The following ABCC1 variants were observed in gnomAD, a reference collection of about 807,000 sequenced individuals.
ABCC1 encodes the protein multidrug resistance-associated protein 1.
A neutral mutation model predicts 172.9 loss-of-function variants in ABCC1; 83 were observed. The ratio of observed to expected loss-of-function variants is 0.48; its 90% CI spans 0.40 to 0.58. ABCC1 has a LOEUF of 0.58. Among genes scored for constraint, ABCC1 ranks in the 20% least tolerant of loss-of-function variants. The pLI is 0.00. For missense variants in ABCC1, 1,817 were observed against 2,002.7 expected, an observed-to-expected ratio of 0.91 and a Z score of 1.77; for synonymous variants, 937 against 825.2, an observed-to-expected ratio of 1.14 and a Z score of -2.32.
rs780409689 is a variant in ABCC1, at chr16:16,124,864, G to C, written c.3666G>C (p.Arg1222Ser). The C allele has an allele frequency of 3.1e-6, 5 of 1,614,188 alleles. No homozygotes were observed. Among genetic ancestry groups the C allele is most frequent in the Non-Finnish European group, 4.2e-6 (5 of 1,180,026 alleles). ...LFAALFAVIS[R>S]HSLSAGLVGL... is the part of the protein sequence containing the mutation. ...CTGCCCTGTTTGCGGTGATCTCCAG[G>C]CACAGCCTCAGTGCTGGCTTGGTGG... Residue 1222 changes from arginine (R) to serine (S), a missense_variant, in exon 25 of 31, where the codon AGG becomes AGC. By Grantham distance (110) the Arg-to-Ser change is moderately radical. Transcript: ENST00000399410.
In ABCC1 at chr16:16,048,252, G is replaced by C. The variant is rs2049296573; in HGVS notation, c.1329G>C (p.Met443Ile). The change falls in exon 10 of 31, where the codon ATG becomes ATC. Residue 443 changes from methionine (M) to isoleucine (I), a missense_variant. Physicochemically the swap from Met to Ile is conservative, Grantham distance 10 (BLOSUM62 1). Coordinates refer to ENST00000399410, the MANE Select transcript of ABCC1 (RefSeq NM_004996.4). ...TGGACTTGGCCACGTACATTAACAT[G>C]ATCTGGTCAGCCCCCCTGCAAGTCA... is the stretch of plus-strand genomic sequence containing the variant. ...RFMDLATYINMIWSAPLQVIL... is the reference protein window; with the variant it reads ...RFMDLATYINIIWSAPLQVIL... 1 of 1,614,192 alleles carries C rather than the reference G, an allele frequency of 6.2e-7. No homozygotes were observed.
intron 27 of ABCC1, 92 bp from the exon 28 acceptor site, chr16:16,134,258 G>A: frequency 6.6e-6 from 10 of 1,511,918 alleles, no homozygotes; most frequent in Non-Finnish European, 9.0e-6. Flanking sequence ...GATGACTGAT[G>A]CCTGAGGTGG....
intron 1 of ABCC1, among the ~76,000 whole-genome samples, chr16:15,983,325 A>G (rs1015231699): frequency 2.0e-5 from 3 of 152,138 alleles, no homozygotes; most frequent in Admixed American, 1.3e-4. Flanking sequence ...CACAAGCTGC[A>G]GTTGTGGGGA....
chr16:16,105,651 T>G (rs1383862264), intron 20 of ABCC1, among the ~76,000 whole-genome samples: 1 of 152,014 alleles, frequency 6.6e-6, no homozygotes, highest in African/African-American at 2.4e-5. Context: ...GTATAGAAAT[T>G]TCCACGGCAG....
chr16:15,974,808 A>G (rs570293140), intron 1 of ABCC1, among the ~76,000 whole-genome samples: 4 of 152,318 alleles, frequency 2.6e-5, no homozygotes, highest in South Asian at 2.1e-4. Context: ...TTTTTATGAT[A>G]CAGAGTCTCA....
intron 7 of ABCC1, among the ~76,000 whole-genome samples, chr16:16,040,005 A>G (rs935743496): frequency 6.6e-6 from 1 of 152,092 alleles, no homozygotes; most frequent in Non-Finnish European, 1.5e-5. Flanking sequence ...GTGAGAACAC[A>G]GGCGCAGGTT....
intron 13 of ABCC1, among the ~76,000 whole-genome samples, chr16:16,071,207 C>T (rs1046152232): frequency 6.6e-6 from 1 of 152,094 alleles, no homozygotes; most frequent in African/African-American, 2.4e-5. Flanking sequence ...GCCTCAGCCT[C>T]CCGAGTAGCT....
At chr16:16,008,027 GA>G in intron 2 of ABCC1, 35 bp downstream of exon 2, 1 of 1,421,540 alleles carries the variant, frequency 7.0e-7, no homozygotes, top group Middle Eastern at 1.8e-4. Context: ...TGGGGGGTGG[GA>G]AGGTGCACCT....
intron 1 of ABCC1, among the ~76,000 whole-genome samples, chr16:15,980,480 A>G (rs2046597192): frequency 6.6e-6 from 1 of 152,160 alleles, no homozygotes. Flanking sequence ...GGAAGCAAAC[A>G]TGTCCTCCTT....
At chr16:16,100,397 T>TG (rs1397012053) in intron 19 of ABCC1, among the ~76,000 whole-genome samples, 4 of 152,072 alleles carry the variant, frequency 2.6e-5, no homozygotes, top group East Asian at 1.9e-4. Context: ...AGCCTCCAGA[T>TG]GGGGGTCCCT....
rs550843361 is a variant in ABCC1, at chr16:15,965,331, G to A, written c.48+15532G>A. 2.3e-3 allele frequency among the ~76,000 whole-genome samples: 341 copies of A among 149,900 alleles called. 2 individuals carry two copies. Among genetic ancestry groups the A allele is most frequent in the Non-Finnish European group, 3.6e-3 (245 of 67,612 alleles). ...TTTTGAGACGGAGTCTTGTTCTGTC[G>A]CCCAGGCTGAAGTGCAGTGGTGCGA... On this transcript the variant is annotated intron_variant, in intron 1 of 30. Coordinates refer to ENST00000399410, the MANE Select transcript of ABCC1 (RefSeq NM_004996.4).
At chr16:16,101,694 T>C (rs919414823) in intron 19 of ABCC1, among the ~76,000 whole-genome samples, 6 of 152,012 alleles carry the variant, frequency 3.9e-5, no homozygotes, top group Non-Finnish European at 8.8e-5. Flanking sequence ...CAGTGCGGAG[T>C]GGGGGCAGTA....
chr16:16,115,131 G>C (rs756240982), intron 23 of ABCC1, 55 bp downstream of exon 23: 34 of 1,545,954 alleles, frequency 2.2e-5, no homozygotes, highest in Admixed American at 5.3e-5. Flanking sequence ...TTATATACCA[G>C]TGTTACCTAA....
chr16:15,993,793 C>T (rs1320653916), intron 1 of ABCC1, among the ~76,000 whole-genome samples: 1 of 152,154 alleles, frequency 6.6e-6, no homozygotes, highest in African/African-American at 2.4e-5. Context: ...GTTTCCATGT[C>T]TGAGTCAAAA....
At chr16:16,079,710 C>T (rs2151983155) in intron 16 of ABCC1, among the ~76,000 whole-genome samples, 1 of 152,196 alleles carries the variant, frequency 6.6e-6, no homozygotes, top group South Asian at 2.1e-4. Context: ...CATCTGTCTC[C>T]CAGCACTTAA....
At chr16:16,060,319 C>T (rs969459525) in intron 12 of ABCC1, among the ~76,000 whole-genome samples, 1 of 152,148 alleles carries the variant, frequency 6.6e-6, no homozygotes, top group Non-Finnish European at 1.5e-5. Flanking sequence ...GGTTCTTTCC[C>T]ACTGAGTTAT....
intron 12 of ABCC1, among the ~76,000 whole-genome samples, chr16:16,060,193 C>T (rs760554438): frequency 3.3e-5 from 5 of 149,794 alleles, no homozygotes; most frequent in Admixed American, 3.3e-4. Flanking sequence ...CATCTCACCT[C>T]GCTGGCTCTA....
intron 4 of ABCC1, among the ~76,000 whole-genome samples, chr16:16,016,148 G>GGT (rs1567316057): frequency 1.1e-5 from 1 of 90,538 alleles, no homozygotes; most frequent in Non-Finnish European, 2.3e-5. Flanking sequence ...ATGTGATCTT[G>GGT]GTTTTTTTTT....
At chr16:15,981,369 A>G (rs1777943205) in intron 1 of ABCC1, among the ~76,000 whole-genome samples, 2 of 152,192 alleles carry the variant, frequency 1.3e-5, no homozygotes, top group Non-Finnish European at 2.9e-5. Context: ...TGAGGGCTCC[A>G]CTGCTGCAGC....
Sources: gnomAD v4.1 joint callset for allele counts (sites outside exome capture counted in the v4.1 genomes callset) on GRCh38, gnomAD v4.1.1 for gene constraint, MANE v1.5 for transcripts, NCBI Gene and HGNC (gene_info 2026-07-23, HGNC 2026-07-21) for gene names.